The following CBL variants were observed in gnomAD, a reference collection of about 807,000 sequenced individuals.
CBL encodes Cbl proto-oncogene.
CBL carries 45 observed loss-of-function variants against 96.9 expected under a neutral mutation model. The ratio of observed to expected loss-of-function variants is 0.46; its 90% confidence interval spans 0.37 to 0.60. The LOEUF (loss-of-function observed/expected upper bound fraction) is 0.60, where lower values mean the gene tolerates loss of function less well. Among genes scored for constraint, CBL ranks in the 20% least tolerant of loss-of-function variants. CBL has a pLI of 0.00. For missense variants in CBL, 1,024 were observed against 1,143.5 expected (o/e 0.90, Z 1.51); for synonymous variants, 420 against 426.8 (o/e 0.98, Z 0.20).
intron 2 of CBL, among the ~76,000 whole-genome samples, chr11:119,256,013 G>GCATGAGC (rs1002094813): frequency 6.6e-6 from 1 of 151,428 alleles, no homozygotes; most frequent in African/African-American, 2.4e-5. Context: ...GGGATTACAG[G>GCATGAGC]CATGAGCCAC....
intron 1 of CBL, among the ~76,000 whole-genome samples, chr11:119,221,207 C>T (rs566732802): frequency 9.9e-5 from 15 of 150,952 alleles, no homozygotes; most frequent in Non-Finnish European, 1.9e-4. Context: ...CACACCACTG[C>T]ATTCCAGCCT....
At position 119,299,767 on chromosome 11, in the gene CBL, C is replaced by A. The variant is rs1420218812; in HGVS notation, c.2707C>A (p.His903Asn). The change falls in exon 16 of 16, where the codon CAT becomes AAT. Residue 903 changes from histidine (H) to asparagine (N), a missense_variant. Around this residue, in one of 4 missense-constraint regions of CBL, gnomAD observed 23 missense variants for 42.7 expected, o/e 0.54. Coordinates refer to ENST00000264033, the MANE Select transcript of CBL (RefSeq NM_005188.4). ...ATTTGTTTCCATTTCTTCTCCTGCC[C>A]ATGTAGCTACCTAGCACACCATCTC... ...REFVSISSPA[H>N]VAT 1 of 1,613,990 alleles carries A rather than the reference C, an allele frequency of 6.2e-7. No individual in the cohort carries two copies. The highest frequency in any genetic ancestry group is 8.5e-7 in the Non-Finnish European group (1 of 1,180,030).
At chr11:119,239,690 C>T (rs1949570704) in intron 2 of CBL, among the ~76,000 whole-genome samples, 1 of 151,980 alleles carries the variant, frequency 6.6e-6, no homozygotes, top group Non-Finnish European at 1.5e-5. Context: ...AGCCTTTCAC[C>T]ATTGAGTATA....
intron 3 of CBL, among the ~76,000 whole-genome samples, chr11:119,272,933 C>T (rs1355141618): frequency 6.6e-6 from 1 of 151,152 alleles, no homozygotes; most frequent in Non-Finnish European, 1.5e-5. Context: ...ATGCATCAAG[C>T]TTGTATTTTT....
chr11:119,277,915 G>A, intron 7 of CBL, 71 bp downstream of exon 7: 1 of 1,122,254 alleles, frequency 8.9e-7, no homozygotes, highest in Non-Finnish European at 1.4e-6. Flanking sequence ...AGAACTGACA[G>A]CATAATTGAA....
intron 1 of CBL, among the ~76,000 whole-genome samples, chr11:119,221,671 G>A (rs1474735788): frequency 6.6e-6 from 1 of 151,888 alleles, no homozygotes; most frequent in African/African-American, 2.4e-5. Flanking sequence ...GGGAGGCTGA[G>A]GCAGGAGAAT....
rs1217776549 is a variant in CBL, at chr11:119,251,896, T to C, written c.443+19201T>C. ...GTGAAGTCTACAACTGCATTTAAAT[T>C]AGGACATCTTAAAGAACAAGCCCCA... On this transcript the variant is annotated intron_variant, in intron 2 of 15. Transcript: ENST00000264033. Among the ~76,000 whole-genome samples the C allele has an allele frequency of 2.6e-5, 4 of 152,192 alleles. No individual in the cohort carries two copies. In the East Asian group the frequency reaches 7.7e-4, roughly 29 times the overall value.
intron 2 of CBL, among the ~76,000 whole-genome samples, chr11:119,256,437 TCC>T (rs1338103117): frequency 1.3e-5 from 2 of 152,194 alleles, no homozygotes; most frequent in African/African-American, 4.8e-5. Flanking sequence ...CACCTTGGAC[TCC>T]CAGAGTGCTG....
intron 1 of CBL, among the ~76,000 whole-genome samples, chr11:119,223,586 C>T (rs1017870412): frequency 2.3e-4 from 34 of 150,906 alleles, no homozygotes; most frequent in African/African-American, 6.8e-4. Context: ...CCCGCCACCA[C>T]GCCCGGCTAA....
chr11:119,271,501 C>A (rs1448619187), intron 2 of CBL, among the ~76,000 whole-genome samples: 1 of 152,166 alleles, frequency 6.6e-6, no homozygotes, highest in African/African-American at 2.4e-5. Context: ...TAAAACCCTT[C>A]TTTAAATAAA....
At chr11:119,208,396 T>C (rs1405265471) in intron 1 of CBL, among the ~76,000 whole-genome samples, 1 of 152,036 alleles carries the variant, frequency 6.6e-6, no homozygotes, top group East Asian at 1.9e-4. Flanking sequence ...TGTATTCTTT[T>C]TTTTTTTTTG....
rs1346950454 is a variant in CBL, at chr11:119,302,422, A to G, written c.*2641A>G. 4.3e-6 allele frequency: 1 copy of G among 232,924 alleles called. No homozygotes were observed. Among genetic ancestry groups the G allele is most frequent in the Non-Finnish European group, 8.5e-6 (1 of 117,898 alleles). The allele number at this position is 232,924 out of a possible 1,614,324, so 14.4% of individuals were successfully genotyped here. The stretch of plus-strand genomic sequence containing the variant: ...TCACCCTCCATTTGTATGGCAATTT[A>G]AAAGTCTTTGGCTTTGCTCTGAATT... On this transcript the variant is annotated 3_prime_UTR_variant, in exon 16 of 16. Coordinates refer to ENST00000264033, the MANE Select transcript of CBL (RefSeq NM_005188.4).
At chr11:119,228,113 T>C (rs893630055) in intron 1 of CBL, among the ~76,000 whole-genome samples, 1 of 152,080 alleles carries the variant, frequency 6.6e-6, no homozygotes, top group African/African-American at 2.4e-5. Context: ...TATATGTATT[T>C]TAATGTATTC....
chr11:119,212,133 G>A (rs1949323569), intron 1 of CBL, among the ~76,000 whole-genome samples: 1 of 151,554 alleles, frequency 6.6e-6, no homozygotes, highest in Non-Finnish European at 1.5e-5. Flanking sequence ...TGGGCAGGCT[G>A]GTCTCGAACT....
At chr11:119,254,192 A>G (rs761166840) in intron 2 of CBL, among the ~76,000 whole-genome samples, 1 of 152,180 alleles carries the variant, frequency 6.6e-6, no homozygotes, top group Non-Finnish European at 1.5e-5. Flanking sequence ...ATAAAAAAGA[A>G]AAGTCATGTT....
intron 1 of CBL, among the ~76,000 whole-genome samples, chr11:119,209,406 T>G (rs1458998420): frequency 1.3e-5 from 2 of 152,098 alleles, no homozygotes; most frequent in African/African-American, 4.8e-5. Context: ...TCACTTGAGG[T>G]CAGGAGCTCC....
chr11:119,296,261 T>C (rs867069327), intron 12 of CBL, among the ~76,000 whole-genome samples: 3 of 152,226 alleles, frequency 2.0e-5, no homozygotes, highest in Non-Finnish European at 4.4e-5. Context: ...GTGTCTTTTT[T>C]TCCCCCCTAC....
chr11:119,278,822 A>G (rs1442473497), intron 9 of CBL, 109 bp downstream of exon 9: 11 of 829,196 alleles, frequency 1.3e-5, no homozygotes, highest in Non-Finnish European at 8.2e-6. Context: ...TTAATAGCTA[A>G]TATTTATTGA....
intron 1 of CBL, among the ~76,000 whole-genome samples, chr11:119,208,047 GAC>G (rs1408893938): frequency 6.6e-6 from 1 of 152,144 alleles, no homozygotes; most frequent in East Asian, 1.9e-4. Flanking sequence ...TGTAATTAAT[GAC>G]ACAAGTATTC....
Sources: gnomAD v4.1 joint callset for allele counts (sites outside exome capture counted in the v4.1 genomes callset) on GRCh38, gnomAD v4.1.1 for gene constraint, gnomAD v4.1.1 regional missense constraint, MANE v1.5 for transcripts, NCBI Gene and HGNC (gene_info 2026-07-23, HGNC 2026-07-21) for gene names.